The following KCNN3 variants were observed in gnomAD, a reference collection of about 807,000 sequenced individuals.
KCNN3 encodes potassium calcium-activated channel subfamily N member 3.
Under a neutral mutation model 62.9 loss-of-function variants are expected in KCNN3, and 16 were observed. The observed-to-expected ratio is 0.25, with a 90% CI of 0.17 to 0.39. The LOEUF is 0.39. KCNN3 is among the 10% of genes least tolerant of loss of function. KCNN3 has a pLI of 1.00. For missense variants in KCNN3, 599 were observed against 949.4 expected, an observed-to-expected ratio of 0.63 and a Z score of 4.85; for synonymous variants, 370 against 389.2, an observed-to-expected ratio of 0.95 and a Z score of 0.58.
chr1:154,795,414 C>T (rs1052580099), intron 2 of KCNN3, among the ~76,000 whole-genome samples: 2 of 152,216 alleles, frequency 1.3e-5, no homozygotes, highest in Admixed American at 6.5e-5. Context: ...GAGTCCCCCA[C>T]CTACTGATCA....
rs1383127513 is a variant in KCNN3 at position 154,853,151 on chromosome 1, A to G, written c.933+15881T>C. Among the ~76,000 whole-genome samples the G allele has an allele frequency of 1.4e-4, 21 of 147,584 alleles. No individual in the cohort carries two copies. In the East Asian group the frequency reaches 3.7e-3, roughly 26 times the overall value. On this transcript the variant is annotated intron_variant, in intron 1 of 7. Transcript: ENST00000271915. ...ACTACAGGTGCACACCAATGTACTC[A>G]GCTTTTTTTTTTTTTCTGTAAAGAT...
At chr1:154,770,071 T>C (rs1362750038) in intron 3 of KCNN3, among the ~76,000 whole-genome samples, 1 of 152,212 alleles carries the variant, frequency 6.6e-6, no homozygotes, top group Non-Finnish European at 1.5e-5. Context: ...ACATGCTTTC[T>C]CCATTGGGGG....
intron 1 of KCNN3, among the ~76,000 whole-genome samples, chr1:154,841,978 G>T (rs1426685969): frequency 6.6e-6 from 1 of 152,246 alleles, no homozygotes; most frequent in African/African-American, 2.4e-5. Context: ...GTAGCCACGT[G>T]GGTGAGCGAG....
At chr1:154,808,597 C>T (rs1266658649) in intron 2 of KCNN3, among the ~76,000 whole-genome samples, 2 of 152,170 alleles carry the variant, frequency 1.3e-5, no homozygotes, top group Non-Finnish European at 2.9e-5. Flanking sequence ...CGGTGCCTGG[C>T]TCAGAACAGC....
intron 5 of KCNN3, among the ~76,000 whole-genome samples, chr1:154,718,094 C>A (rs997383545): frequency 2.0e-5 from 3 of 152,056 alleles, no homozygotes; most frequent in African/African-American, 7.2e-5. Flanking sequence ...TGCAGCAGTG[C>A]GAGAGGGCAG....
intron 3 of KCNN3, chr1:154,737,046 A>T: frequency 1.4e-6 from 1 of 702,292 alleles, no homozygotes; most frequent in Middle Eastern, 2.3e-4. Context: ...CAACTCACCA[A>T]GCAGGAAGTG....
Position 154,700,411 on chromosome 1 carries a change from T to G in KCNN3, c.*7565A>C, listed in dbSNP as rs1191615710. On this transcript the variant is annotated 3_prime_UTR_variant, in exon 8 of 8. Coordinates refer to ENST00000271915, the MANE Select transcript of KCNN3 (RefSeq NM_002249.6). The stretch of plus-strand genomic sequence containing the variant: ...TTTCCCCAAATGATGAATTTGCATT[T>G]GTTTCCTTGATTCTAGATGGAATAC... The G allele has an allele frequency of 6.6e-6, 1 of 152,242 alleles. No homozygotes were observed. The highest frequency in any genetic ancestry group is 1.5e-5 in the Non-Finnish European group (1 of 68,048). The allele number at this position is 152,242 out of a possible 1,614,324, so 9.4% of individuals were successfully genotyped here. A position where few individuals can be genotyped will look rare whatever the true frequency, so the allele number is the denominator to read the frequency against.
intron 5 of KCNN3, among the ~76,000 whole-genome samples, chr1:154,718,945 A>T (rs1247014219): frequency 2.6e-5 from 4 of 152,222 alleles, no homozygotes; most frequent in African/African-American, 9.6e-5. Flanking sequence ...GCCAGCAAGA[A>T]AACATACAAC....
At chr1:154,813,100 A>G (rs2101885760) in intron 2 of KCNN3, among the ~76,000 whole-genome samples, 1 of 152,278 alleles carries the variant, frequency 6.6e-6, no homozygotes, top group Non-Finnish European at 1.5e-5. Context: ...GTCCAAGCTC[A>G]CAAGTGATCA....
Position 154,702,701 on chromosome 1 carries a change from A to AT in KCNN3, c.*5274dup, listed in dbSNP as rs1491448850. On this transcript the variant is annotated 3_prime_UTR_variant, in exon 8 of 8. Transcript: ENST00000271915. Reference sequence around the variant, plus strand: ...CGTTGGCTGCTTCGATCTGATTCAGATATATATATATATATATATATATAT... The same window carrying AT: ...CGTTGGCTGCTTCGATCTGATTCAGATTATATATATATATATATATATATAT... 10 of 714 alleles carry AT rather than the reference A, an allele frequency of 0.014. No homozygotes were observed. Among genetic ancestry groups the AT allele is most frequent in the African/African-American group, 0.089 (10 of 112 alleles). The allele number at this position is 714 out of a possible 1,614,324, so 0.0% of individuals were successfully genotyped here. A position where few individuals can be genotyped will look rare whatever the true frequency, so the allele number is the denominator to read the frequency against.
At chr1:154,711,284 A>G (rs1323463436) in intron 7 of KCNN3, among the ~76,000 whole-genome samples, 9 of 141,090 alleles carry the variant, frequency 6.4e-5, no homozygotes, top group African/African-American at 2.1e-4. Flanking sequence ...ATAGGTGGGA[A>G]TTGAACAATG....
chr1:154,855,256 G>C (rs1652475630), intron 1 of KCNN3, among the ~76,000 whole-genome samples: 1 of 145,998 alleles, frequency 6.8e-6, no homozygotes, highest in Admixed American at 6.9e-5. Flanking sequence ...TAAAATTATA[G>C]TAAGGTAAGG....
At chr1:154,738,880 A>C (rs1700769750) in intron 3 of KCNN3, among the ~76,000 whole-genome samples, 1 of 152,268 alleles carries the variant, frequency 6.6e-6, no homozygotes, top group Non-Finnish European at 1.5e-5. Flanking sequence ...AACTATGAAT[A>C]GAGTCAAATT....
chr1:154,771,013 T>A lies in KCNN3; in HGVS notation c.1448+962A>T, dbSNP rs549225547. On this transcript the variant is annotated intron_variant, in intron 3 of 7. Transcript: ENST00000271915. ...CAGAGGTTGCAGTGAGCAGAGACTA[T>A]GCCACTGCACTCCAGCCTGGGCGAG... Among the ~76,000 whole-genome samples, 4 of 151,204 alleles carry A rather than the reference T, an allele frequency of 2.6e-5. No individual in the cohort carries two copies. In the East Asian group the frequency reaches 7.8e-4, roughly 29 times the overall value.
In KCNN3 at chr1:154,703,737, A is replaced by G. The variant is rs1042858298; in HGVS notation, c.*4239T>C. ...TCCCATATTTCTCCCTGCTGATTTT[A>G]CCACTATTTAATGTGCACTAATTAC... On this transcript the variant is annotated 3_prime_UTR_variant, in exon 8 of 8. Coordinates refer to ENST00000271915, the MANE Select transcript of KCNN3 (RefSeq NM_002249.6). 6.6e-6 allele frequency: 1 copy of G among 152,194 alleles called. No individual in the cohort carries two copies. Among genetic ancestry groups the G allele is most frequent in the Non-Finnish European group, 1.5e-5 (1 of 68,042 alleles). The allele number at this position is 152,194 out of a possible 1,614,324, so 9.4% of individuals were successfully genotyped here.
intron 1 of KCNN3, among the ~76,000 whole-genome samples, chr1:154,859,476 G>GGGA (rs1652668182): frequency 6.6e-6 from 1 of 152,204 alleles, no homozygotes; most frequent in Admixed American, 6.5e-5. Context: ...ATTACAAACG[G>GGGA]GGACACTGAG....
At chr1:154,771,872 G>T (rs1484853328) in intron 3 of KCNN3, 103 bp downstream of exon 3, 2 of 1,154,304 alleles carry the variant, frequency 1.7e-6, no homozygotes, top group Middle Eastern at 1.9e-4. Flanking sequence ...CTGGGTACAT[G>T]CCTGTCTCCT....
chr1:154,737,070 C>T, intron 3 of KCNN3: 1 of 702,272 alleles, frequency 1.4e-6, no homozygotes, highest in Non-Finnish European at 2.6e-6. Context: ...AGCCAGAAGG[C>T]TGGGCTGGTG....
chr1:154,714,231 G>GGTGT (rs1700155603), intron 6 of KCNN3, among the ~76,000 whole-genome samples: 2 of 11,092 alleles, frequency 1.8e-4, no homozygotes. Flanking sequence ...GTGTGTGTGG[G>GGTGT]GTGTGTGCGG....
Sources: allele counts gnomAD v4.1 joint callset (sites outside exome capture counted in the v4.1 genomes callset), GRCh38; gene constraint gnomAD v4.1.1; transcripts MANE v1.5; gene names NCBI Gene and HGNC (gene_info 2026-07-23, HGNC 2026-07-21).